PRDM15: variants seen among roughly 807,000 people sequenced by gnomAD.
PRDM15 encodes PR/SET domain 15.
Under a neutral mutation model 128.6 loss-of-function variants are expected in PRDM15, and 64 were observed. The ratio of observed to expected loss-of-function variants is 0.50; its 90% CI spans 0.41 to 0.61. The LOEUF is 0.61. Among genes scored for constraint, PRDM15 ranks in the 20% least tolerant of loss-of-function variants. PRDM15 has a pLI of 0.00. For synonymous variants in PRDM15, 615 were observed against 621.8 expected, an observed-to-expected ratio of 0.99 and a Z score of 0.16; for missense variants, 1,242 against 1,569.1, an observed-to-expected ratio of 0.79 and a Z score of 3.52.
At chr21:41,865,090 CCT>C (rs2063957092) in intron 1 of PRDM15, among the ~76,000 whole-genome samples, 1 of 141,438 alleles carries the variant, frequency 7.1e-6, no homozygotes, top group South Asian at 2.4e-4. Flanking sequence ...CCTGCTCACT[CCT>C]CACTCCCCAG....
intron 21 of PRDM15, among the ~76,000 whole-genome samples, chr21:41,807,639 G>GT (rs570600113): frequency 9.4e-4 from 143 of 152,226 alleles, no homozygotes; most frequent in African/African-American, 3.4e-3. Context: ...TACCCAGACC[G>GT]TAAAGTCCAG....
At chr21:41,837,901 A>G in intron 8 of PRDM15, 33 bp downstream of exon 8, 1 of 1,613,448 alleles carries the variant, frequency 6.2e-7, no homozygotes, top group East Asian at 2.2e-5. Context: ...TTGTCTGTCC[A>G]CAGGACGGCC....
At chr21:41,844,150 G>A (rs148473921) in intron 6 of PRDM15, among the ~76,000 whole-genome samples, 1 of 151,956 alleles carries the variant, frequency 6.6e-6, no homozygotes. Context: ...TGAGATCAGA[G>A]AGGAAATGAG....
At position 41,828,444 on chromosome 21, in the gene PRDM15, C is replaced by G; in HGVS notation, c.1367-111G>C. 2.8e-6 allele frequency: 3 copies of G among 1,085,176 alleles called. No individual in the cohort carries two copies. Among genetic ancestry groups the G allele is most frequent in the Non-Finnish European group, 4.2e-6 (3 of 722,614 alleles). 67.2% of individuals were successfully genotyped at this position (1,085,176 alleles called of 1,614,324 possible). ...AAGCGCGGGTGACGGGCATGAGAGT[C>G]ACGGGGATGCGTGGCCAGGAAGAAA... is the stretch of plus-strand genomic sequence containing the variant. On this transcript the variant is annotated intron_variant, in intron 11 of 23. Transcript: ENST00000398548. The surrounding 1 kb of genome is among the most constrained non-coding windows in gnomAD (Gnocchi z 5.7).
rs535643993 is a variant in PRDM15 at position 41,815,630 on chromosome 21, C to T, written c.2392+75G>A. On this transcript the variant is annotated intron_variant, in intron 19 of 23. Coordinates refer to ENST00000398548, the MANE Select transcript of PRDM15 (RefSeq NM_001040424.3). ...AGAGGAATCGTCTCAAGGCGGCTCT[C>T]TCTTCTCCCACGGCCCACCTGGCTT... 2.5e-6 allele frequency: 4 copies of T among 1,576,370 alleles called. 1 individual carries two copies. The highest frequency in any genetic ancestry group is 2.3e-5 in the South Asian group (2 of 87,032).
chr21:41,829,969 A>G (rs2062626101), intron 11 of PRDM15, among the ~76,000 whole-genome samples: 1 of 151,664 alleles, frequency 6.6e-6, no homozygotes, highest in African/African-American at 2.4e-5. Flanking sequence ...CAGTCAACAC[A>G]CACCACATAA....
intron 4 of PRDM15, among the ~76,000 whole-genome samples, chr21:41,856,951 T>C (rs1264121641): frequency 6.6e-6 from 1 of 152,276 alleles, no homozygotes; most frequent in Non-Finnish European, 1.5e-5. Context: ...ACACACTCTT[T>C]AGTGTTCTGC....
rs912710730 is a variant in PRDM15, at chr21:41,828,052, A to G, written c.1534+114T>C. On this transcript the variant is annotated intron_variant, in intron 12 of 23. Transcript: ENST00000398548. The surrounding 1 kb of genome is among the most constrained non-coding windows in gnomAD (Gnocchi z 5.7). ...GATGGCGGGCGTTTCCAGGCAAAGGAGCAGGCGGCACCGAACTGCTCCCCA... is the reference window on the plus strand; with the variant it reads ...GATGGCGGGCGTTTCCAGGCAAAGGGGCAGGCGGCACCGAACTGCTCCCCA... 6.7e-6 allele frequency: 7 copies of G among 1,046,966 alleles called. No individual in the cohort carries two copies. The highest frequency in any genetic ancestry group is 9.9e-6 in the Non-Finnish European group (7 of 706,508). The allele number at this position is 1,046,966 out of a possible 1,614,324, so 64.9% of individuals were successfully genotyped here.
At chr21:41,825,462 T>C (rs1333593073) in intron 13 of PRDM15, among the ~76,000 whole-genome samples, 2 of 152,240 alleles carry the variant, frequency 1.3e-5, no homozygotes, top group Non-Finnish European at 2.9e-5. Flanking sequence ...TTTCCTCTCT[T>C]GGGCAGCGCC....
At chr21:41,819,859 C>T (rs559650695) in intron 17 of PRDM15, 158 bp from the exon 18 acceptor site, 34 of 962,802 alleles carry the variant, frequency 3.5e-5, no homozygotes, top group Middle Eastern at 3.2e-4. Context: ...AGAGCCCTCC[C>T]GGGGATCCTG....
chr21:41,812,278 T>C (rs747855041), intron 19 of PRDM15: 1 of 152,116 alleles, frequency 6.6e-6, no homozygotes, highest in Non-Finnish European at 1.5e-5. Flanking sequence ...AAAACACAAA[T>C]TGTAAGTGAG....
chr21:41,830,377 G>A (rs1460847280), intron 11 of PRDM15, among the ~76,000 whole-genome samples: 6 of 147,530 alleles, frequency 4.1e-5, no homozygotes, highest in South Asian at 2.2e-4. Context: ...AAACACATAC[G>A]CTCAGCACAC....
chr21:41,838,104 CA>C, intron 7 of PRDM15, 41 bp from the exon 8 acceptor site: 1 of 1,607,970 alleles, frequency 6.2e-7, no homozygotes, highest in Non-Finnish European at 8.5e-7. Flanking sequence ...ACCACAAGAG[CA>C]GGGGACAAAC....
chr21:41,836,630 T>G lies in PRDM15; in HGVS notation c.1021A>C (p.Asn341His). 1 of 1,606,788 alleles carries G rather than the reference T, an allele frequency of 6.2e-7. No individual in the cohort carries two copies. The highest frequency in any genetic ancestry group is 8.5e-7 in the Non-Finnish European group (1 of 1,174,328). Residue 341 changes from asparagine to histidine, a missense_variant, in exon 9 of 24, where the codon AAC becomes CAC. Transcript: ENST00000398548. ...SVPKFTHHQN[N>H]TITLKRSLIL... Reference sequence around the variant, plus strand: ...AAGCTCCTCTTGAGCGTGATGGTGTTATTCTGATGATGGGTGAACCTGCCC... The same window carrying G: ...AAGCTCCTCTTGAGCGTGATGGTGTGATTCTGATGATGGGTGAACCTGCCC...
At chr21:41,825,660 A>C (rs916425256) in intron 13 of PRDM15, among the ~76,000 whole-genome samples, 1 of 152,220 alleles carries the variant, frequency 6.6e-6, no homozygotes, top group African/African-American at 2.4e-5. Flanking sequence ...CAACGATGCT[A>C]TACAGGAGAG....
chr21:41,838,175 G>T, intron 7 of PRDM15, 112 bp from the exon 8 acceptor site: 2 of 1,153,176 alleles, frequency 1.7e-6, no homozygotes, highest in Non-Finnish European at 2.5e-6. Context: ...AGAATGGTAG[G>T]CACAAATGTT....
chr21:41,826,211 C>T (rs1159585324), intron 12 of PRDM15, among the ~76,000 whole-genome samples, 157 bp from the exon 13 acceptor site: 2 of 152,246 alleles, frequency 1.3e-5, no homozygotes, highest in African/African-American at 2.4e-5. Context: ...ACATCACTTG[C>T]ACACTGTTTG....
At chr21:41,831,852 T>A (rs1187815424) in intron 11 of PRDM15, among the ~76,000 whole-genome samples, 1 of 152,194 alleles carries the variant, frequency 6.6e-6, no homozygotes, top group African/African-American at 2.4e-5. Context: ...ACCTGCAGCG[T>A]GACCTCAGCC....
At chr21:41,813,416 A>T (rs2146300014) in intron 19 of PRDM15, 1 of 152,624 alleles carries the variant, frequency 6.6e-6, no homozygotes, top group South Asian at 2.1e-4. Context: ...GGGGCAGAGG[A>T]GGCTGGCACG....
Sources: allele counts gnomAD v4.1 joint callset (sites outside exome capture counted in the v4.1 genomes callset), GRCh38; gene constraint gnomAD v4.1.1; non-coding constraint Gnocchi (gnomAD v3.1); transcripts MANE v1.5; gene names NCBI Gene and HGNC (gene_info 2026-07-23, HGNC 2026-07-21).